Variants in RPP30 observed in about 807,000 individuals in gnomAD.
The protein encoded by RPP30 is ribonuclease P protein subunit p30.
Under a neutral mutation model 38.6 loss-of-function variants are expected in RPP30, and 36 were observed. The observed-to-expected ratio is 0.93, with a 90% CI of 0.71 to 1.23. The LOEUF is 1.23. RPP30 is among the 50% of genes most tolerant of loss of function. RPP30 has a pLI of 0.00. For synonymous variants in RPP30, 126 were observed against 112.7 expected (o/e 1.12, Z -0.75); for missense variants, 321 against 321.7 (o/e 1.00, Z 0.02).
downstream of RPP30, chr10:90,903,140 A>G: frequency 1.0e-6 from 1 of 987,324 alleles, no homozygotes; most frequent in Non-Finnish European, 1.6e-6. Context: ...ATCAGTAAAA[A>G]CTCTGCACTT....
chr10:90,904,414 C>G (rs1847231995), downstream of RPP30, among the ~76,000 whole-genome samples: 1 of 152,200 alleles, frequency 6.6e-6, no homozygotes, highest in Admixed American at 6.5e-5. Context: ...TGTAACCTCT[C>G]TGTGCCTCGC....
chr10:90,907,561 A>G (rs1307234430), downstream of RPP30, among the ~76,000 whole-genome samples: 1 of 152,218 alleles, frequency 6.6e-6, no homozygotes, highest in African/African-American at 2.4e-5. Context: ...TAAGAGGTTA[A>G]CATATATGAT....
intron 4 of RPP30, 29 bp from the exon 5 acceptor site, chr10:90,879,034 G>C: frequency 6.3e-7 from 1 of 1,576,986 alleles, no homozygotes; most frequent in East Asian, 2.2e-5. Flanking sequence ...TTTTGTTATT[G>C]TATGATAACA....
At chr10:90,892,260 C>A (rs1480391936) in intron 6 of RPP30, among the ~76,000 whole-genome samples, 1 of 152,142 alleles carries the variant, frequency 6.6e-6, no homozygotes, top group Non-Finnish European at 1.5e-5. Context: ...CAATTTGCAT[C>A]AAAATGGTCT....
At chr10:90,895,386 A>T in intron 7 of RPP30, 68 bp from the exon 8 acceptor site, 1 of 871,896 alleles carries the variant, frequency 1.1e-6, no homozygotes, top group Non-Finnish European at 1.8e-6. Context: ...ATTACTGGCT[A>T]TTTATATTAT....
Position 90,901,487 on chromosome 10 carries a change from T to G in RPP30, c.*808T>G. 1 of 985,008 alleles carries G rather than the reference T, an allele frequency of 1.0e-6. No homozygotes were observed. Among genetic ancestry groups the G allele is most frequent in the Non-Finnish European group, 1.2e-6 (1 of 829,560 alleles). 61.0% of individuals were successfully genotyped at this position (985,008 alleles called of 1,614,324 possible). A position where few individuals can be genotyped will look rare whatever the true frequency, so the allele number is the denominator to read the frequency against. Reference sequence around the variant, plus strand: ...AGGAGAGAGGATACACATGTAAAATTACATCTGGTCTCTTCCTTCACTGCT... The same window carrying G: ...AGGAGAGAGGATACACATGTAAAATGACATCTGGTCTCTTCCTTCACTGCT... On this transcript the variant is annotated 3_prime_UTR_variant, in exon 11 of 11. Transcript: ENST00000371703.
At chr10:90,898,925 C>A (rs1035867774) in intron 10 of RPP30, among the ~76,000 whole-genome samples, 1 of 152,102 alleles carries the variant, frequency 6.6e-6, no homozygotes, top group Non-Finnish European at 1.5e-5. Context: ...TGCCTTAGCC[C>A]CTTGTGAACA....
intron 4 of RPP30, 82 bp from the exon 5 acceptor site, chr10:90,878,981 A>ATAAGT (rs1205255158): frequency 8.7e-7 from 1 of 1,155,270 alleles, no homozygotes; most frequent in East Asian, 2.4e-5. Flanking sequence ...TGATTGAAAT[A>ATAAGT]TAAGTGTGAG....
At chr10:90,890,428 C>A (rs1258119968) in intron 6 of RPP30, among the ~76,000 whole-genome samples, 3 of 152,142 alleles carry the variant, frequency 2.0e-5, no homozygotes, top group Non-Finnish European at 4.4e-5. Context: ...TTTACACTCT[C>A]TCTGATGTTT....
chr10:90,903,543 A>G (rs1847225333), downstream of RPP30, among the ~76,000 whole-genome samples: 1 of 152,224 alleles, frequency 6.6e-6, no homozygotes, highest in Non-Finnish European at 1.5e-5. Context: ...ACATTTGTGT[A>G]GTATGTGTTT....
intron 10 of RPP30, 27 bp from the exon 11 acceptor site, chr10:90,900,543 A>C: frequency 6.3e-7 from 1 of 1,598,138 alleles, no homozygotes; most frequent in Non-Finnish European, 8.5e-7. Context: ...AACTTCAAGC[A>C]CAGTGGTTTC....
intron 2 of RPP30, 60 bp from the exon 3 acceptor site, chr10:90,875,498 C>T (rs1415109490): frequency 1.5e-6 from 2 of 1,326,618 alleles, no homozygotes; most frequent in Admixed American, 3.5e-5. Flanking sequence ...GTAATTTTTC[C>T]ATTATGCCTT....
intron 6 of RPP30, among the ~76,000 whole-genome samples, chr10:90,892,584 T>C (rs1847095486): frequency 6.6e-6 from 1 of 152,206 alleles, no homozygotes; most frequent in Non-Finnish European, 1.5e-5. Context: ...TATTTCGAGA[T>C]CTAAGCATCC....
At chr10:90,875,488 G>A (rs889142317) in intron 2 of RPP30, 70 bp from the exon 3 acceptor site, 20 of 1,224,096 alleles carry the variant, frequency 1.6e-5, no homozygotes, top group South Asian at 1.4e-4. Flanking sequence ...AGAACACCTC[G>A]TAATTTTTCC....
At chr10:90,902,781 G>A (rs1164609971), downstream of RPP30, among the ~76,000 whole-genome samples, 1 of 152,044 alleles carries the variant, frequency 6.6e-6, no homozygotes, top group Non-Finnish European at 1.5e-5. Context: ...ACTACCGCTT[G>A]GCCAATTTGA....
At chr10:90,906,153 T>C (rs1200219943), downstream of RPP30, 1 of 152,188 alleles carries the variant, frequency 6.6e-6, no homozygotes, top group Non-Finnish European at 1.5e-5. Flanking sequence ...GAAGGAAGTA[T>C]GACAGATGTT....
intron 10 of RPP30, 47 bp from the exon 11 acceptor site, chr10:90,900,523 A>T (rs1847187563): frequency 6.4e-7 from 1 of 1,568,104 alleles, no homozygotes; most frequent in Admixed American, 1.8e-5. Flanking sequence ...CTCATTTTAA[A>T]TTATGTCTTA....
At position 90,872,002 on chromosome 10, in the gene RPP30, G is replaced by A; in HGVS notation, c.16G>A (p.Asp6Asn). Residue 6 changes from aspartate (D) to asparagine (N), a missense_variant, in exon 1 of 11, where the codon GAT becomes AAT. Asp to Asn is a conservative substitution (Grantham distance 23, BLOSUM62 1). Coordinates refer to ENST00000371703, the MANE Select transcript of RPP30 (RefSeq NM_006413.5). ...GGACTTCAGCATGGCGGTGTTTGCA[G>A]ATTTGGACCTGCGAGCGGGTTCTGA... Reference protein sequence around the residue: MAVFADLDLRAGSDLK... With the variant: MAVFANLDLRAGSDLK... 6.2e-7 allele frequency: 1 copy of A among 1,614,168 alleles called. No homozygotes were observed. The highest frequency in any genetic ancestry group is 8.5e-7 in the Non-Finnish European group (1 of 1,179,986).
At chr10:90,875,947 G>A in intron 3 of RPP30, 77 bp from the exon 4 acceptor site, 1 of 842,198 alleles carries the variant, frequency 1.2e-6, no homozygotes, top group Non-Finnish European at 2.0e-6. Flanking sequence ...ACCTTTTAAT[G>A]AATACTTTCC....
Sources: gnomAD v4.1 joint callset for allele counts (sites outside exome capture counted in the v4.1 genomes callset) on GRCh38, gnomAD v4.1.1 for gene constraint, MANE v1.5 for transcripts, NCBI Gene and HGNC (gene_info 2026-07-23, HGNC 2026-07-21) for gene names.